Variants in CLIC5 observed in about 807,000 individuals in gnomAD.
CLIC5 encodes the protein chloride intracellular channel protein 5.
CLIC5 carries 20 observed loss-of-function variants against 24.7 expected under a neutral mutation model. The observed-to-expected ratio is 0.81, with a 90% CI of 0.57 to 1.18. CLIC5 has a LOEUF of 1.18. Among genes scored for constraint, CLIC5 ranks in the 50% most tolerant of loss-of-function variants. The probability of loss-of-function intolerance (pLI) is 0.00; values close to 1 mark genes in which losing one functional copy is unlikely to be tolerated. For missense variants in CLIC5, 341 were observed against 326.1 expected (o/e 1.05, Z -0.35); for synonymous variants, 159 against 135.6 (o/e 1.17, Z -1.20).
At chr6:45,923,152 T>C (rs1211099527) in intron 4 of CLIC5, among the ~76,000 whole-genome samples, 1 of 152,248 alleles carries the variant, frequency 6.6e-6, no homozygotes, top group East Asian at 1.9e-4. Context: ...AAGCTATTAA[T>C]GCTGATTGTA....
At chr6:46,040,289 G>A (rs538617089) in intron 1 of CLIC5, among the ~76,000 whole-genome samples, 116 of 152,250 alleles carry the variant, frequency 7.6e-4, no homozygotes, top group African/African-American at 2.4e-3. Flanking sequence ...AAGACAACGC[G>A]ATTGGTAGTA....
intron 1 of CLIC5, among the ~76,000 whole-genome samples, chr6:45,994,870 C>G (rs1206732399): frequency 6.6e-6 from 1 of 152,142 alleles, no homozygotes; most frequent in African/African-American, 2.4e-5. Context: ...CATTCACTCT[C>G]TCACCAGAAA....
At chr6:45,903,547 A>G (rs1762566921) in intron 5 of CLIC5, among the ~76,000 whole-genome samples, 2 of 152,232 alleles carry the variant, frequency 1.3e-5, no homozygotes, top group African/African-American at 4.8e-5. Flanking sequence ...CACAATTATG[A>G]TCCCAGAGCT....
chr6:45,980,572 GA>G (rs1221519019), intron 1 of CLIC5, among the ~76,000 whole-genome samples: 4 of 151,710 alleles, frequency 2.6e-5, no homozygotes, highest in African/African-American at 9.7e-5. Flanking sequence ...AATAAAAGTT[GA>G]AAAAGGAGAG....
the CLIC5 span, among the ~76,000 whole-genome samples, chr6:46,120,930 T>C: frequency 0.31 from 47,525 of 151,664 alleles, 7,771 homozygotes; most frequent in Middle Eastern, 0.44. Flanking sequence ...TATGGGACTA[T>C]GTGAAAAGAC....
At chr6:46,071,536 C>T (rs1454896536) in intron 1 of CLIC5, among the ~76,000 whole-genome samples, 2 of 152,068 alleles carry the variant, frequency 1.3e-5, no homozygotes, top group Non-Finnish European at 2.9e-5. Context: ...TAATGAAATA[C>T]CATCTCATAC....
chr6:45,992,931 A>G (rs747587880), intron 1 of CLIC5, among the ~76,000 whole-genome samples: 2 of 152,204 alleles, frequency 1.3e-5, no homozygotes, highest in East Asian at 1.9e-4. Context: ...GTGTGTGTGC[A>G]TATGTGTGCC....
chr6:46,016,992 C>T (rs531404873), upstream of CLIC5, among the ~76,000 whole-genome samples: 259 of 152,330 alleles, frequency 1.7e-3, no homozygotes, highest in Middle Eastern at 6.8e-3. Context: ...CTGTCACGAA[C>T]ATTCTCTCTA....
chr6:45,942,414 G>A (rs920774445), intron 3 of CLIC5, among the ~76,000 whole-genome samples: 2 of 152,190 alleles, frequency 1.3e-5, no homozygotes, highest in African/African-American at 2.4e-5. Flanking sequence ...ACTTGCTCAT[G>A]TGGGAACCCA....
At chr6:45,914,658 A>C in intron 4 of CLIC5, 7 of 569,558 alleles carry the variant, frequency 1.2e-5, no homozygotes, top group East Asian at 6.7e-5. Flanking sequence ...AAATACATAA[A>C]TATAGAAACA....
intron 1 of CLIC5, among the ~76,000 whole-genome samples, chr6:46,012,672 G>A (rs1490763398): frequency 6.6e-6 from 1 of 152,182 alleles, no homozygotes; most frequent in Non-Finnish European, 1.5e-5. Flanking sequence ...TTTGAGGACT[G>A]GATCTGAATG....
chr6:46,051,149 C>T (rs913935527), intron 1 of CLIC5, among the ~76,000 whole-genome samples: 10 of 152,208 alleles, frequency 6.6e-5, no homozygotes, highest in African/African-American at 2.4e-4. Context: ...TGTTTACTGT[C>T]ACTCTTTCCT....
the CLIC5 span, among the ~76,000 whole-genome samples, chr6:46,127,311 A>G: frequency 6.6e-6 from 1 of 152,248 alleles, no homozygotes; most frequent in South Asian, 2.1e-4. Flanking sequence ...CCTATCAAAC[A>G]TTAGAATATA....
chr6:46,105,351 G>C, the CLIC5 span, among the ~76,000 whole-genome samples: 1 of 152,100 alleles, frequency 6.6e-6, no homozygotes, highest in East Asian at 1.9e-4. Flanking sequence ...TCAGAAGTCA[G>C]CTTCATTAAA....
chr6:45,885,665 G>A (rs1487951579), intron 6 of CLIC5, among the ~76,000 whole-genome samples: 1 of 152,128 alleles, frequency 6.6e-6, no homozygotes, highest in African/African-American at 2.4e-5. Context: ...ATCTCATTTC[G>A]GTGAAAAGGA....
rs147130846 is a variant in CLIC5, at chr6:45,974,175, A to G, written c.64-18931T>C. On this transcript the variant is annotated intron_variant, in intron 1 of 5. Coordinates refer to ENST00000339561, the MANE Select transcript of CLIC5 (RefSeq NM_016929.5). Reference sequence around the variant, plus strand: ...AGGAGAAATATATATAGTTTTATATATAAAACCACCAGGCTGGGAATCAGA... The same window carrying G: ...AGGAGAAATATATATAGTTTTATATGTAAAACCACCAGGCTGGGAATCAGA... 1.2e-3 allele frequency among the ~76,000 whole-genome samples: 178 copies of G among 152,042 alleles called. 2 individuals are homozygous for G. In the East Asian group the frequency reaches 0.026, roughly 22 times the overall value.
chr6:46,079,642 A>G, intron 1 of CLIC5: 1 of 1,408,790 alleles, frequency 7.1e-7, no homozygotes, highest in South Asian at 1.4e-5. Context: ...TTCAGAGCAA[A>G]ATAAAACACC....
At chr6:45,958,556 T>C (rs1581792084) in intron 1 of CLIC5, among the ~76,000 whole-genome samples, 1 of 148,980 alleles carries the variant, frequency 6.7e-6, no homozygotes, top group East Asian at 2.0e-4. Flanking sequence ...GTACTTCCTG[T>C]TCCCTAGATA....
chr6:46,108,363 G>A, the CLIC5 span, among the ~76,000 whole-genome samples: 1 of 135,304 alleles, frequency 7.4e-6, no homozygotes, highest in Non-Finnish European at 1.6e-5. Flanking sequence ...CTCTTTATCG[G>A]GTCTTTGTGT....
Sources: gnomAD v4.1 joint callset for allele counts (sites outside exome capture counted in the v4.1 genomes callset) on GRCh38, gnomAD v4.1.1 for gene constraint, MANE v1.5 for transcripts, NCBI Gene and HGNC (gene_info 2026-07-23, HGNC 2026-07-21) for gene names.